Variants in SPTA1 observed in about 807,000 individuals in gnomAD.
The protein encoded by SPTA1 is spectrin alpha chain, erythrocytic 1.
SPTA1 carries 177 observed loss-of-function variants against 324.7 expected under a neutral mutation model. The ratio of observed to expected loss-of-function variants is 0.55; its 90% CI spans 0.48 to 0.62. SPTA1 has a LOEUF of 0.62. Ranked by LOEUF, SPTA1 falls within the 20% of genes least tolerant of loss-of-function variation. The pLI, the probability that SPTA1 is intolerant of heterozygous loss-of-function variation, is 0.00. For synonymous variants in SPTA1, 1,195 were observed against 1,041.3 expected (o/e 1.15, Z -2.84); for missense variants, 3,162 against 2,883.6 (o/e 1.10, Z -2.21).
chr1:158,680,529 A>T, intron 5 of SPTA1, 54 bp downstream of exon 5: 1 of 1,611,348 alleles, frequency 6.2e-7, no homozygotes, highest in Non-Finnish European at 8.5e-7. Context: ...GCCAGAAGTT[A>T]TTCTTAAGGA....
At chr1:158,671,532 G>T (rs899940431) in intron 11 of SPTA1, 79 bp from the exon 12 acceptor site, 7 of 1,140,322 alleles carry the variant, frequency 6.1e-6, no homozygotes, top group Non-Finnish European at 9.2e-6. Context: ...CTGAGACAAG[G>T]ACTAAGGCAG....
At chr1:158,666,276 C>A in intron 16 of SPTA1, 40 bp downstream of exon 16, 2 of 1,608,822 alleles carry the variant, frequency 1.2e-6, no homozygotes, top group African/African-American at 2.7e-5. Context: ...AGAGCATATA[C>A]ACCCATTGCT....
chr1:158,625,832 A>C (rs1650231982), intron 42 of SPTA1, among the ~76,000 whole-genome samples: 1 of 151,738 alleles, frequency 6.6e-6, no homozygotes, highest in Non-Finnish European at 1.5e-5. Flanking sequence ...AAAAGAAAAC[A>C]TTAAAGTAAT....
intron 44 of SPTA1, 88 bp downstream of exon 44, chr1:158,620,082 C>G (rs1649807691): frequency 6.7e-7 from 1 of 1,491,314 alleles, no homozygotes; most frequent in Non-Finnish European, 9.3e-7. Context: ...TAATAGTGTT[C>G]CTTCTATGTC....
Position 158,678,451 on chromosome 1 carries a change from G to A in SPTA1, c.762C>T (p.Leu254=). ...AAWERLRGLA[L]QRQKALSNAA... ...CATTGGACAGAGCTTTCTGTCTCTG[G>A]AGAGCCAAACCACGAAGGCGCTCCC... is the stretch of plus-strand genomic sequence containing the variant. Residue 254 remains leucine (L), a synonymous_variant, in exon 6 of 52, where the codon CTC becomes CTT. Transcript: ENST00000643759. The A allele has an allele frequency of 6.2e-7, 1 of 1,613,724 alleles. No homozygotes were observed.
intron 43 of SPTA1, among the ~76,000 whole-genome samples, chr1:158,622,303 ATAT>A (rs1649965325): frequency 6.6e-6 from 1 of 152,080 alleles, no homozygotes; most frequent in Non-Finnish European, 1.5e-5. Flanking sequence ...ATATTAATCC[ATAT>A]TAATCATACA....
intron 18 of SPTA1, among the ~76,000 whole-genome samples, chr1:158,658,750 G>C (rs1186627852): frequency 6.6e-6 from 1 of 151,664 alleles, no homozygotes; most frequent in Non-Finnish European, 1.5e-5. Flanking sequence ...AGGTAGAGGG[G>C]GAAAAAAAGA....
chr1:158,653,183 A>C, intron 22 of SPTA1, 91 bp downstream of exon 22: 1 of 1,564,044 alleles, frequency 6.4e-7, no homozygotes, highest in Middle Eastern at 1.9e-4. Flanking sequence ...TGGCATCTCA[A>C]ATCTAACAGA....
At chr1:158,669,316 G>C (rs61820505) in intron 14 of SPTA1, 92 bp downstream of exon 14, 2 of 1,551,822 alleles carry the variant, frequency 1.3e-6, no homozygotes, top group East Asian at 2.2e-5. Flanking sequence ...AGGATCACCA[G>C]CTGAACGCTA....
In SPTA1 at chr1:158,623,067, A is replaced by G. The variant is rs376057870; in HGVS notation, c.6036T>C (p.Ala2012=). Residue 2012 remains alanine, a synonymous_variant, in exon 43 of 52, where the codon GCT becomes GCC. Coordinates refer to ENST00000643759, the MANE Select transcript of SPTA1 (RefSeq NM_003126.4). ...QSKAIEERYA[A]LLKRWEQLLE... ...GCAACTGTTCCCAGCGCTTCAGCAG[A>G]GCGGCATAACGCTCTTCAATGGCTT... 19 of 1,614,030 alleles carry G rather than the reference A, an allele frequency of 1.2e-5. No individual in the cohort carries two copies. The highest frequency in any genetic ancestry group is 1.5e-5 in the Non-Finnish European group (18 of 1,180,022).
chr1:158,640,414 T>A (rs1230014530), intron 33 of SPTA1, among the ~76,000 whole-genome samples: 2 of 152,178 alleles, frequency 1.3e-5, no homozygotes, highest in Non-Finnish European at 1.5e-5. Flanking sequence ...GGAAGACTGT[T>A]TTTCTGTGAT....
chr1:158,647,267 G>A (rs1235238616), intron 27 of SPTA1, among the ~76,000 whole-genome samples: 2 of 152,200 alleles, frequency 1.3e-5, no homozygotes, highest in Admixed American at 1.3e-4. Context: ...ACTGAATACA[G>A]TAGAAGACTG....
chr1:158,660,407 G>A (rs1653130158), intron 18 of SPTA1, among the ~76,000 whole-genome samples: 1 of 152,090 alleles, frequency 6.6e-6, no homozygotes, highest in South Asian at 2.1e-4. Context: ...TCAGAACAAA[G>A]AATTTCACCA....
rs143760537 is a variant in SPTA1, at chr1:158,678,212, C to T, written c.812+189G>A. ...TTATTTTGATCTCCAATCTCTACAT[C>T]CTTGGCCATAGAGTAGGTCACAGAT... On this transcript the variant is annotated intron_variant, in intron 6 of 51. Coordinates refer to ENST00000643759, the MANE Select transcript of SPTA1 (RefSeq NM_003126.4). Among the ~76,000 whole-genome samples, 209 of 152,278 alleles carry T rather than the reference C, an allele frequency of 1.4e-3. 1 individual carries two copies. Among genetic ancestry groups the T allele is most frequent in the African/African-American group, 4.4e-3 (184 of 41,562 alleles).
chr1:158,616,565 T>G (rs1649569477), intron 47 of SPTA1, among the ~76,000 whole-genome samples: 1 of 152,208 alleles, frequency 6.6e-6, no homozygotes, highest in Non-Finnish European at 1.5e-5. Context: ...CCATCCATGT[T>G]ACTGAAAATG....
In SPTA1 at chr1:158,611,086, A is replaced by AT; in HGVS notation, c.*177dup. 2 of 866,086 alleles carry AT rather than the reference A, an allele frequency of 2.3e-6. No homozygotes were observed. The highest frequency in any genetic ancestry group is 2.8e-5 in the East Asian group (1 of 35,666). 53.7% of individuals were successfully genotyped at this position (866,086 alleles called of 1,614,324 possible). A position where few individuals can be genotyped will look rare whatever the true frequency, so the allele number is the denominator to read the frequency against. ...AACCTTTCTATCTCCCACCCTTGAG[A>AT]TTTTTTAAGATCCTACAATAAATGT... On this transcript the variant is annotated 3_prime_UTR_variant, in exon 52 of 52. Coordinates refer to ENST00000643759, the MANE Select transcript of SPTA1 (RefSeq NM_003126.4).
intron 14 of SPTA1, 51 bp downstream of exon 14, chr1:158,669,357 A>T (rs1337451511): frequency 1.2e-6 from 2 of 1,612,428 alleles, no homozygotes; most frequent in Non-Finnish European, 1.7e-6. Context: ...CTGTACTTCC[A>T]ATGAAAGGAA....
chr1:158,633,430 G>C (rs888685601), intron 39 of SPTA1, among the ~76,000 whole-genome samples: 4 of 152,104 alleles, frequency 2.6e-5, no homozygotes, highest in Non-Finnish European at 5.9e-5. Context: ...GGAGGCTGAG[G>C]TGGGTGGATC....
Position 158,623,050 on chromosome 1 carries a change from T to C in SPTA1, c.6053A>G (p.Glu2018Gly). 1 of 1,614,160 alleles carries C rather than the reference T, an allele frequency of 6.2e-7. No individual in the cohort carries two copies. Among genetic ancestry groups the C allele is most frequent in the Non-Finnish European group, 8.5e-7 (1 of 1,180,028 alleles). The change falls in exon 43 of 52, where the codon GAA (glutamate) becomes GGA (glycine). Residue 2018 changes from glutamate (E) to glycine (G), a missense_variant. Transcript: ENST00000643759. ...ERYAALLKRW[E>G]QLLEASAVHR... is the part of the protein sequence containing the mutation. ...GACTGCCGAGGCTTCCAGCAACTGT[T>C]CCCAGCGCTTCAGCAGAGCGGCATA...
Sources: gnomAD v4.1 joint callset for allele counts (sites outside exome capture counted in the v4.1 genomes callset) on GRCh38, gnomAD v4.1.1 for gene constraint, MANE v1.5 for transcripts, NCBI Gene and HGNC (gene_info 2026-07-23, HGNC 2026-07-21) for gene names.